The following LANCL2 variants were observed in gnomAD, a reference collection of about 807,000 sequenced individuals.
LANCL2 encodes the protein lanC-like protein 2.
In LANCL2, 33 loss-of-function variants were observed where a neutral mutation model predicts 56.9. That is an observed-to-expected ratio of 0.58 (90% confidence interval 0.44 to 0.78). LANCL2 has a LOEUF of 0.78. LANCL2 is among the 30% of genes least tolerant of loss of function. The pLI, the probability that LANCL2 is intolerant of heterozygous loss-of-function variation, is 0.00. For synonymous variants in LANCL2, 233 were observed against 228.2 expected (o/e 1.02, Z -0.19); for missense variants, 562 against 580.2 (o/e 0.97, Z 0.32).
rs531395511 is a variant in LANCL2 at position 55,403,858 on chromosome 7, C to G, written c.825+2538C>G. Among the ~76,000 whole-genome samples the G allele has an allele frequency of 1.7e-4, 26 of 152,250 alleles. 2 individuals are homozygous for G. The highest frequency in any genetic ancestry group is 1.6e-3 in the Admixed American group (25 of 15,296). ...ATGCTAGGATTATAGGCATGAGCCA[C>G]CGTGCCTGGCTTGCCCACCCTTTTC... On this transcript the variant is annotated intron_variant, in intron 5 of 8. Coordinates refer to ENST00000254770, the MANE Select transcript of LANCL2 (RefSeq NM_018697.4).
intron 6 of LANCL2, among the ~76,000 whole-genome samples, chr7:55,417,462 C>G (rs1790557735): frequency 6.6e-6 from 1 of 152,068 alleles, no homozygotes; most frequent in Non-Finnish European, 1.5e-5. Flanking sequence ...ATGATATTAC[C>G]ACGTTGTTTT....
intron 2 of LANCL2, among the ~76,000 whole-genome samples, chr7:55,396,003 G>A (rs1341665819): frequency 6.6e-6 from 1 of 152,226 alleles, no homozygotes; most frequent in East Asian, 1.9e-4. Flanking sequence ...ACTGAATACT[G>A]TAGCAATTGT....
intron 4 of LANCL2, among the ~76,000 whole-genome samples, chr7:55,400,830 G>A (rs1347499080): frequency 1.3e-5 from 2 of 152,136 alleles, no homozygotes; most frequent in African/African-American, 4.8e-5. Flanking sequence ...TGTATGTGCT[G>A]CTCTTTTGGG....
intron 5 of LANCL2, among the ~76,000 whole-genome samples, chr7:55,407,311 T>C (rs1790419505): frequency 6.6e-6 from 1 of 152,106 alleles, no homozygotes; most frequent in African/African-American, 2.4e-5. Flanking sequence ...ACCGCCAGCC[T>C]CAGGCACCGT....
At position 55,424,916 on chromosome 7, in the gene LANCL2, G is replaced by A. The variant is rs1790646926; in HGVS notation, c.1009-338G>A. Among the ~76,000 whole-genome samples, 3 of 152,320 alleles carry A rather than the reference G, an allele frequency of 2.0e-5. No homozygotes were observed. In the South Asian group the frequency reaches 6.2e-4, roughly 32 times the overall value. On this transcript the variant is annotated intron_variant, in intron 6 of 8. Transcript: ENST00000254770. ...CTTATGCGAGGGATCTAGGTTGCGC[G>A]CTCCTTATGAGAATCTAACTAATGC...
At chr7:55,412,328 A>G (rs918364624) in intron 6 of LANCL2, among the ~76,000 whole-genome samples, 1 of 152,246 alleles carries the variant, frequency 6.6e-6, no homozygotes, top group Non-Finnish European at 1.5e-5. Context: ...TTCATGTGTA[A>G]AAGAAAACCT....
intron 1 of LANCL2, among the ~76,000 whole-genome samples, chr7:55,388,904 G>A (rs148185684): frequency 2.7e-4 from 41 of 152,284 alleles, no homozygotes; most frequent in African/African-American, 7.5e-4. Flanking sequence ...ATTGAGGGCC[G>A]TTTGCCTTTG....
intron 8 of LANCL2, among the ~76,000 whole-genome samples, chr7:55,429,456 T>C (rs1441678976): frequency 6.6e-6 from 1 of 152,266 alleles, no homozygotes; most frequent in Non-Finnish European, 1.5e-5. Flanking sequence ...AATGCAAATA[T>C]GTAAGCTATT....
intron 1 of LANCL2, among the ~76,000 whole-genome samples, chr7:55,386,386 C>T (rs1790126063): frequency 6.6e-6 from 1 of 152,198 alleles, no homozygotes; most frequent in South Asian, 2.1e-4. Flanking sequence ...AATCCACATT[C>T]TTCTCTCATG....
rs758368934 is a variant in LANCL2 at position 55,391,850 on chromosome 7, A to G, written c.262A>G (p.Met88Val). 6.2e-7 allele frequency: 1 copy of G among 1,613,290 alleles called. No homozygotes were observed. Among genetic ancestry groups the G allele is most frequent in the Non-Finnish European group, 8.5e-7 (1 of 1,179,330 alleles). The change falls in exon 2 of 9, where the codon ATG (methionine) becomes GTG (valine). Residue 88 changes from methionine (M) to valine (V), a missense_variant. Met to Val is a conservative substitution (Grantham distance 21). Around this residue, in one of 2 missense-constraint regions of LANCL2, gnomAD observed 378 missense variants for 468.4 expected, o/e 0.81. Coordinates refer to ENST00000254770, the MANE Select transcript of LANCL2 (RefSeq NM_018697.4). ...CAAAATTAAAGATCTTCTGCAGCAA[A>G]TGGAAGAAGGGCTGAAGACAGCTGA... is the stretch of plus-strand genomic sequence containing the variant. ...QTKIKDLLQQ[M>V]EEGLKTADPH...
At chr7:55,407,722 C>T (rs902509350) in intron 5 of LANCL2, among the ~76,000 whole-genome samples, 1 of 152,230 alleles carries the variant, frequency 6.6e-6, no homozygotes, top group African/African-American at 2.4e-5. Flanking sequence ...AGCTGCAGCT[C>T]CTTCCTGAGT....
At position 55,431,148 on chromosome 7, in the gene LANCL2, A is replaced by G. The variant is rs184954711; in HGVS notation, c.1259-78A>G. 414 of 1,010,450 alleles carry G rather than the reference A, an allele frequency of 4.1e-4. No homozygotes were observed. In the African/African-American group the frequency reaches 6.1e-3, roughly 15 times the overall value. 62.6% of individuals were successfully genotyped at this position (1,010,450 alleles called of 1,614,324 possible). ...TTCCCACATGCTTGCAGCCCCTGGT[A>G]AGGGAAATGATTAAAAGTCACTGTT... On this transcript the variant is annotated intron_variant, in intron 8 of 8. Coordinates refer to ENST00000254770, the MANE Select transcript of LANCL2 (RefSeq NM_018697.4).
Position 55,399,992 on chromosome 7 carries a change from A to C in LANCL2, c.566A>C (p.Glu189Ala). 1 of 1,613,808 alleles carries C rather than the reference A, an allele frequency of 6.2e-7. No individual in the cohort carries two copies. ...CTCCAGAGATCGGTTGTCTGCCAAG[A>C]ATCAGACCTTCCTGATGAGCTGCTT... ...LQLQRSVVCQ[E>A]SDLPDELLYG... is the part of the protein sequence containing the mutation. The change falls in exon 4 of 9, where the codon GAA becomes GCA. Residue 189 changes from glutamate to alanine, a missense_variant. Coordinates refer to ENST00000254770, the MANE Select transcript of LANCL2 (RefSeq NM_018697.4).
At chr7:55,369,112 G>T (rs902511499) in intron 1 of LANCL2, among the ~76,000 whole-genome samples, 1 of 152,214 alleles carries the variant, frequency 6.6e-6, no homozygotes, top group Non-Finnish European at 1.5e-5. Flanking sequence ...ATTCTCCTCT[G>T]TAAGTTTGAC....
At chr7:55,398,673 G>A (rs762565810) in intron 3 of LANCL2, 43 bp downstream of exon 3, 15 of 1,438,302 alleles carry the variant, frequency 1.0e-5, no homozygotes, top group Middle Eastern at 2.3e-4. Flanking sequence ...ATTCCCAGTG[G>A]AAGCTCTTGC....
At chr7:55,369,718 C>G (rs1583738779) in intron 1 of LANCL2, among the ~76,000 whole-genome samples, 1 of 152,272 alleles carries the variant, frequency 6.6e-6, no homozygotes, top group South Asian at 2.1e-4. Flanking sequence ...GCAGCTTCAA[C>G]TGATGTTCAA....
intron 6 of LANCL2, among the ~76,000 whole-genome samples, chr7:55,413,937 A>G (rs1790498440): frequency 6.6e-6 from 1 of 152,252 alleles, no homozygotes; most frequent in South Asian, 2.1e-4. Flanking sequence ...AAATAGCTAG[A>G]AGAGAAGATT....
intron 6 of LANCL2, among the ~76,000 whole-genome samples, chr7:55,422,147 C>G (rs1451415560): frequency 6.6e-6 from 1 of 152,166 alleles, no homozygotes; most frequent in African/African-American, 2.4e-5. Context: ...TTGTTTCTTC[C>G]TGAAGATCCT....
chr7:55,373,586 C>G (rs1562855957), intron 1 of LANCL2, among the ~76,000 whole-genome samples: 1 of 152,162 alleles, frequency 6.6e-6, no homozygotes, highest in Admixed American at 6.5e-5. Flanking sequence ...AGGTGCAAGC[C>G]ATTGCACCCA....
Sources: allele counts gnomAD v4.1 joint callset (sites outside exome capture counted in the v4.1 genomes callset), GRCh38; gene constraint gnomAD v4.1.1; regional missense constraint gnomAD v4.1.1; transcripts MANE v1.5; gene names NCBI Gene and HGNC (gene_info 2026-07-23, HGNC 2026-07-21).